KLHL28: variants seen among roughly 807,000 people sequenced by gnomAD.
KLHL28 encodes the protein kelch-like protein 28.
Under a neutral mutation model 48.3 loss-of-function variants are expected in KLHL28, and 22 were observed. The ratio of observed to expected loss-of-function variants is 0.46; its 90% CI spans 0.33 to 0.65. The LOEUF is 0.65. KLHL28 is among the 30% of genes least tolerant of loss of function. The pLI is 0.03. For synonymous variants in KLHL28, 243 were observed against 242.4 expected (o/e 1.00, Z -0.02); for missense variants, 527 against 704.3 (o/e 0.75, Z 2.85).
intron 1 of KLHL28, among the ~76,000 whole-genome samples, chr14:44,952,821 C>T (rs1045276821): frequency 5.3e-5 from 8 of 152,060 alleles, no homozygotes; most frequent in African/African-American, 1.7e-4. Context: ...ATCCTCAAAG[C>T]CCCACATTTG....
intron 2 of KLHL28, among the ~76,000 whole-genome samples, chr14:44,936,874 C>A (rs1883846511): frequency 6.6e-6 from 1 of 152,172 alleles, no homozygotes; most frequent in South Asian, 2.1e-4. Context: ...ATCAATTCTA[C>A]TAACTGATTA....
chr14:44,953,959 A>G (rs1345300725), intron 1 of KLHL28, among the ~76,000 whole-genome samples: 1 of 152,232 alleles, frequency 6.6e-6, no homozygotes, highest in East Asian at 1.9e-4. Flanking sequence ...AATATATATC[A>G]GTAATACATA....
chr14:44,948,321 T>C (rs1884424428), intron 1 of KLHL28, among the ~76,000 whole-genome samples: 1 of 152,124 alleles, frequency 6.6e-6, no homozygotes, highest in South Asian at 2.1e-4. Flanking sequence ...CTGTAAGTGA[T>C]ATTGTACTAC....
At chr14:44,947,871 T>A (rs1364576038) in intron 1 of KLHL28, among the ~76,000 whole-genome samples, 3 of 152,148 alleles carry the variant, frequency 2.0e-5, no homozygotes, top group Admixed American at 1.3e-4. Flanking sequence ...ACTAGAAAAA[T>A]TCTCAAATGT....
intron 1 of KLHL28, among the ~76,000 whole-genome samples, chr14:44,956,199 G>A (rs906549577): frequency 6.6e-6 from 1 of 151,974 alleles, no homozygotes; most frequent in Non-Finnish European, 1.5e-5. Flanking sequence ...GGTCTTAAGC[G>A]ATCCTCCCAC....
chr14:44,928,863 A>G lies in KLHL28; in HGVS notation c.*165T>C, dbSNP rs574027612. 4.2e-5 allele frequency: 23 copies of G among 550,452 alleles called. No individual in the cohort carries two copies. In the East Asian group the frequency reaches 6.0e-4, roughly 14 times the overall value. The allele number at this position is 550,452 out of a possible 1,614,324, so 34.1% of individuals were successfully genotyped here. ...ATTTACTGTGTAATCAAGAGCAACC[A>G]AAACTACTTCTCAATTAAAAGTACC... On this transcript the variant is annotated 3_prime_UTR_variant, in exon 5 of 5. Transcript: ENST00000396128.
chr14:44,944,558 T>C (rs73334176), intron 2 of KLHL28, among the ~76,000 whole-genome samples: 15,558 of 152,256 alleles, frequency 0.1, 1,105 homozygotes, highest in African/African-American at 0.2. Flanking sequence ...TTTATATCAG[T>C]ATCCTATTTT....
chr14:44,948,781 T>C (rs944611687), intron 1 of KLHL28, among the ~76,000 whole-genome samples: 3 of 152,094 alleles, frequency 2.0e-5, no homozygotes, highest in Non-Finnish European at 4.4e-5. Flanking sequence ...GTCTATAACC[T>C]TTCTCCTCTG....
At position 44,945,849 on chromosome 14, in the gene KLHL28, A is replaced by T; in HGVS notation, c.80T>A (p.Leu27His). Reference protein sequence around the residue: ...HSEQLLQGLNLLRQHHELCDI... With the variant: ...HSEQLLQGLNHLRQHHELCDI... ...ACAGAGTTCGTGATGTTGGCGAAGA[A>T]GATTCAAGCCCTGCAGAAGTTGTTC... Residue 27 changes from leucine (L) to histidine (H), a missense_variant, in exon 2 of 5, where the codon CTT becomes CAT. Coordinates refer to ENST00000396128, the MANE Select transcript of KLHL28 (RefSeq NM_017658.5). 6.2e-7 allele frequency: 1 copy of T among 1,614,168 alleles called. No individual in the cohort carries two copies. The highest frequency in any genetic ancestry group is 8.5e-7 in the Non-Finnish European group (1 of 1,179,994).
rs569904675 is a variant in KLHL28, at chr14:44,945,155, T to C, written c.774A>G (p.Leu258=). The C allele has an allele frequency of 1.5e-5, 24 of 1,614,150 alleles. No homozygotes were observed. The highest frequency in any genetic ancestry group is 2.7e-5 in the African/African-American group (2 of 75,044). The change falls in exon 2 of 5, where the codon CTA becomes CTG. Residue 258 remains leucine (L), a synonymous_variant. Coordinates refer to ENST00000396128, the MANE Select transcript of KLHL28 (RefSeq NM_017658.5). ...TATGTTCAGGCATAAAGTGGTACTT[T>C]AGGGCTTCATTCAAAAGATGTTTAC... The part of the protein sequence containing the change: ...RTCKHLLNEA[L]KYHFMPEHRL...
chr14:44,945,178 T>C lies in KLHL28; in HGVS notation c.751A>G (p.Lys251Glu), dbSNP rs1884269526. Residue 251 changes from lysine (K) to glutamate (E), a missense_variant, in exon 2 of 5, where the codon AAA (lysine) becomes GAA (glutamate). Coordinates refer to ENST00000396128, the MANE Select transcript of KLHL28 (RefSeq NM_017658.5). ...NHLIRDDRTC[K>E]HLLNEALKYH... ...TTTAGGGCTTCATTCAAAAGATGTT[T>C]ACAAGTGCGATCATCACGAATAAGA... 6.2e-7 allele frequency: 1 copy of C among 1,614,058 alleles called. No individual in the cohort carries two copies. The highest frequency in any genetic ancestry group is 1.7e-5 in the Admixed American group (1 of 60,004).
chr14:44,960,936 G>A (rs765370490), intron 1 of KLHL28: 11 of 1,528,806 alleles, frequency 7.2e-6, no homozygotes, highest in Non-Finnish European at 7.1e-6. Flanking sequence ...CATAAATTTG[G>A]GTCTTCAAAT....
intron 1 of KLHL28, among the ~76,000 whole-genome samples, chr14:44,952,562 G>T (rs1376918789): frequency 6.6e-6 from 1 of 152,044 alleles, no homozygotes; most frequent in East Asian, 1.9e-4. Flanking sequence ...TCACTATGTT[G>T]CCCAGGCTGG....
chr14:44,934,425 G>T lies in KLHL28; in HGVS notation c.1033C>A (p.Pro345Thr). ...VIGGIATNVR[P>T]GVTIRKHENS... The stretch of plus-strand genomic sequence containing the variant: ...TCATGTTTTCTGATAGTGACGCCAG[G>T]ACGCACATTAGTTGCAATACCACCT... The change falls in exon 3 of 5, where the codon CCT becomes ACT. Residue 345 changes from proline to threonine, a missense_variant. By Grantham distance (38) the Pro-to-Thr change is conservative. Transcript: ENST00000396128. 1 of 1,614,088 alleles carries T rather than the reference G, an allele frequency of 6.2e-7. No individual in the cohort carries two copies. The highest frequency in any genetic ancestry group is 8.5e-7 in the Non-Finnish European group (1 of 1,180,006).
rs571995348 is a variant in KLHL28 at position 44,924,445 on chromosome 14, A to C, written c.*4583T>G. Reference sequence around the variant, plus strand: ...TAAAATAAAAAAGAATACAATTCTTAACTAGTTAAATGACACTTTAGTGTG... The same window carrying C: ...TAAAATAAAAAAGAATACAATTCTTCACTAGTTAAATGACACTTTAGTGTG... On this transcript the variant is annotated 3_prime_UTR_variant, in exon 5 of 5. Coordinates refer to ENST00000396128, the MANE Select transcript of KLHL28 (RefSeq NM_017658.5). 6.6e-6 allele frequency: 1 copy of C among 152,660 alleles called. No homozygotes were observed. The highest frequency in any genetic ancestry group is 1.5e-5 in the Non-Finnish European group (1 of 68,044). The allele number at this position is 152,660 out of a possible 1,614,324, so 9.5% of individuals were successfully genotyped here. A position where few individuals can be genotyped will look rare whatever the true frequency, so the allele number is the denominator to read the frequency against.
intron 3 of KLHL28, among the ~76,000 whole-genome samples, chr14:44,932,977 C>T (rs2138586605): frequency 6.6e-6 from 1 of 152,244 alleles, no homozygotes; most frequent in Non-Finnish European, 1.5e-5. Flanking sequence ...CAGGATCCAC[C>T]CCATCCCAAG....
At chr14:44,961,159 A>C in intron 1 of KLHL28, 3 of 354,958 alleles carry the variant, frequency 8.5e-6, no homozygotes, top group Non-Finnish European at 1.0e-5. Context: ...TCATTCCTAA[A>C]TCCACAAGGC....
chr14:44,950,472 G>GGTGTA (rs1389685302), intron 1 of KLHL28, among the ~76,000 whole-genome samples: 24 of 152,032 alleles, frequency 1.6e-4, no homozygotes, highest in Non-Finnish European at 5.9e-5. Context: ...ATTCAAAACT[G>GGTGTA]GTACACCATC....
chr14:44,931,656 C>T (rs2138583094), intron 3 of KLHL28, 115 bp from the exon 4 acceptor site: 1 of 715,946 alleles, frequency 1.4e-6, no homozygotes, highest in Non-Finnish European at 2.3e-6. Flanking sequence ...AGATATTAAA[C>T]AAGAGTAGTC....
Sources: gnomAD v4.1 joint callset for allele counts (sites outside exome capture counted in the v4.1 genomes callset) on GRCh38, gnomAD v4.1.1 for gene constraint, MANE v1.5 for transcripts, NCBI Gene and HGNC (gene_info 2026-07-23, HGNC 2026-07-21) for gene names.